Variants in PTPRD observed in about 807,000 individuals in gnomAD.
PTPRD encodes the protein protein tyrosine phosphatase receptor type D, also known as receptor-type tyrosine-protein phosphatase delta.
In PTPRD, 34 loss-of-function variants were observed where a neutral mutation model predicts 214.5. The ratio of observed to expected loss-of-function variants is 0.16; its 90% CI spans 0.12 to 0.21. The LOEUF is 0.21. Ranked by LOEUF, PTPRD falls within the 10% of genes least tolerant of loss-of-function variation. The pLI is 1.00. For synonymous variants in PTPRD, 1,128 were observed against 845.7 expected, an observed-to-expected ratio of 1.33 and a Z score of -5.79; for missense variants, 2,545 against 2,398.7, an observed-to-expected ratio of 1.06 and a Z score of -1.27.
In PTPRD at chr9:10,368,261, A is replaced by T. The variant is rs572650968; in HGVS notation, c.-599-27244T>A. On this transcript the variant is annotated intron_variant, in intron 2 of 45. Transcript: ENST00000381196. ...TTTTACAATTTACTTAGAAAAAAAG[A>T]GAGTAAATGTAATACAAAAAGAAGT... is the stretch of plus-strand genomic sequence containing the variant. Among the ~76,000 whole-genome samples, 34 of 152,266 alleles carry T rather than the reference A, an allele frequency of 2.2e-4. 2 individuals are homozygous for T. The South Asian group carries it at 6.6e-3, about 30-fold the overall frequency.
At chr9:8,716,515 T>C (rs767193613) in intron 12 of PTPRD, among the ~76,000 whole-genome samples, 6 of 152,214 alleles carry the variant, frequency 3.9e-5, no homozygotes, top group Admixed American at 1.3e-4. Flanking sequence ...AGAAATTTTA[T>C]TCATTTCAGT....
At chr9:8,560,259 G>T (rs1010991143) in intron 14 of PTPRD, among the ~76,000 whole-genome samples, 2 of 151,966 alleles carry the variant, frequency 1.3e-5, no homozygotes, top group Non-Finnish European at 2.9e-5. Flanking sequence ...ATAAAAATGA[G>T]ATGAATTTTT....
chr9:9,079,252 C>G (rs756730479), intron 10 of PTPRD, among the ~76,000 whole-genome samples: 3 of 151,978 alleles, frequency 2.0e-5, no homozygotes, highest in Non-Finnish European at 4.4e-5. Context: ...CTACTGTTTA[C>G]TTACATTAGA....
chr9:9,158,867 A>C (rs898287305), intron 10 of PTPRD, among the ~76,000 whole-genome samples: 16 of 152,218 alleles, frequency 1.1e-4, no homozygotes, highest in Non-Finnish European at 2.4e-4. Context: ...ACCATGATCA[A>C]GTGGGATTTA....
At chr9:10,563,862 C>G (rs2064779638) in intron 2 of PTPRD, among the ~76,000 whole-genome samples, 1 of 151,642 alleles carries the variant, frequency 6.6e-6, no homozygotes, top group Admixed American at 6.6e-5. Flanking sequence ...TATAAAATAG[C>G]ATTGGTTTTG....
chr9:9,786,604 C>G (rs756580960), intron 5 of PTPRD, among the ~76,000 whole-genome samples: 2 of 152,084 alleles, frequency 1.3e-5, no homozygotes, highest in East Asian at 1.9e-4. Context: ...ACTTTAAAAT[C>G]ACTTGCAGGT....
chr9:10,585,302 A>G (rs950666910), intron 2 of PTPRD, among the ~76,000 whole-genome samples: 1 of 151,938 alleles, frequency 6.6e-6, no homozygotes, highest in African/African-American at 2.4e-5. Flanking sequence ...TATTTGTGTA[A>G]TTCTCCCATT....
chr9:10,571,522 C>T (rs988966806), intron 2 of PTPRD, among the ~76,000 whole-genome samples: 14 of 152,132 alleles, frequency 9.2e-5, no homozygotes, highest in Admixed American at 5.2e-4. Flanking sequence ...GGTTCCCTTA[C>T]TTATTGGATG....
chr9:9,114,162 T>G (rs937741561), intron 10 of PTPRD, among the ~76,000 whole-genome samples: 5 of 152,288 alleles, frequency 3.3e-5, no homozygotes, highest in Admixed American at 3.3e-4. Flanking sequence ...ACAAGAAGAC[T>G]GCAGGCCAAT....
chr9:9,687,973 A>G (rs769957731), intron 7 of PTPRD, among the ~76,000 whole-genome samples: 18 of 151,776 alleles, frequency 1.2e-4, no homozygotes, highest in African/African-American at 1.7e-4. Flanking sequence ...CGCTGTTTTC[A>G]TAATAGTGAG....
At position 9,592,939 on chromosome 9, in the gene PTPRD, G is replaced by A. The variant is rs572606365; in HGVS notation, c.-286-18158C>T. 2.6e-5 allele frequency among the ~76,000 whole-genome samples: 4 copies of A among 152,060 alleles called. No individual in the cohort carries two copies. In the South Asian group the frequency reaches 8.3e-4, roughly 32 times the overall value. ...ACACACCTGTAGTCCCAGCTACCTG[G>A]GAGGCTGAGACATGAGAATCACTTG... On this transcript the variant is annotated intron_variant, in intron 7 of 45. Coordinates refer to ENST00000381196, the MANE Select transcript of PTPRD (RefSeq NM_002839.4).
At chr9:10,341,597 T>A (rs2096940560) in intron 2 of PTPRD, among the ~76,000 whole-genome samples, 1 of 151,964 alleles carries the variant, frequency 6.6e-6, no homozygotes, top group Admixed American at 6.6e-5. Context: ...GAATGGTCAG[T>A]ATGCAAAAAT....
intron 8 of PTPRD, among the ~76,000 whole-genome samples, chr9:9,467,194 G>A (rs2094222699): frequency 1.4e-5 from 2 of 145,190 alleles, no homozygotes; most frequent in Non-Finnish European, 3.0e-5. Context: ...ACATCATATA[G>A]AGATGATGGT....
At chr9:8,332,560 G>A (rs938314211) in intron 43 of PTPRD, among the ~76,000 whole-genome samples, 3 of 152,106 alleles carry the variant, frequency 2.0e-5, no homozygotes, top group Admixed American at 6.6e-5. Context: ...AAGCCAGATT[G>A]AAGAGCAGTC....
chr9:10,452,144 T>C (rs534607892), intron 2 of PTPRD, among the ~76,000 whole-genome samples: 5 of 152,078 alleles, frequency 3.3e-5, no homozygotes, highest in East Asian at 1.9e-4. Context: ...GATTATTACA[T>C]GCAAATAGAA....
intron 2 of PTPRD, among the ~76,000 whole-genome samples, chr9:10,370,738 T>A (rs2097595389): frequency 6.6e-6 from 1 of 152,056 alleles, no homozygotes; most frequent in Non-Finnish European, 1.5e-5. Flanking sequence ...AAATTCTACC[T>A]ACATGCATCC....
chr9:9,042,835 C>G (rs2099644963), intron 10 of PTPRD, among the ~76,000 whole-genome samples: 2 of 151,978 alleles, frequency 1.3e-5, no homozygotes, highest in Non-Finnish European at 2.9e-5. Flanking sequence ...GACTTTGAGT[C>G]AGGGATTATT....
chr9:10,431,530 T>C (rs2098678524), intron 2 of PTPRD, among the ~76,000 whole-genome samples: 1 of 151,768 alleles, frequency 6.6e-6, no homozygotes, highest in Admixed American at 6.6e-5. Context: ...TTTCGCAACC[T>C]ACTCATCTGA....
chr9:8,437,218 G>A, intron 34 of PTPRD: 1 of 1,523,430 alleles, frequency 6.6e-7, no homozygotes, highest in Non-Finnish European at 8.8e-7. Context: ...AAGGTTACCA[G>A]GGTAACCGGA....
Sources: allele counts gnomAD v4.1 joint callset (sites outside exome capture counted in the v4.1 genomes callset), GRCh38; gene constraint gnomAD v4.1.1; transcripts MANE v1.5; gene names NCBI Gene and HGNC (gene_info 2026-07-23, HGNC 2026-07-21).